The following ANKRD12 variants were observed in gnomAD, a reference collection of about 807,000 sequenced individuals.
ANKRD12 encodes ankyrin repeat domain-containing protein 12.
In ANKRD12, 85 loss-of-function variants were observed where a neutral mutation model predicts 183.4. The observed-to-expected ratio is 0.46, with a 90% confidence interval of 0.39 to 0.56. The LOEUF is 0.56. Among genes scored for constraint, ANKRD12 ranks in the 20% least tolerant of loss-of-function variants. ANKRD12 has a pLI of 0.00. For synonymous variants in ANKRD12, 914 were observed against 800.2 expected, an observed-to-expected ratio of 1.14 and a Z score of -2.40; for missense variants, 2,405 against 2,357.1, an observed-to-expected ratio of 1.02 and a Z score of -0.42.
Position 9,256,833 on chromosome 18 carries a change from C to G in ANKRD12, c.3566C>G (p.Ser1189Cys), listed in dbSNP as rs146507735. Residue 1189 changes from serine to cysteine, a missense_variant, in exon 9 of 13, where the codon TCT (serine) becomes TGT (cysteine). Physicochemically the swap from Ser to Cys is moderately radical, Grantham distance 112 (BLOSUM62 -1). Transcript: ENST00000262126. ...GTTTCAGATAATAGCTTAAACAGGTCTCCTAGATCAGAAAATGAAAAGCCG... is the reference window on the plus strand; with the variant it reads ...GTTTCAGATAATAGCTTAAACAGGTGTCCTAGATCAGAAAATGAAAAGCCG... ...SFVSDNSLNR[S>C]PRSENEKPGL... is the part of the protein sequence containing the mutation. 1 of 1,613,942 alleles carries G rather than the reference C, an allele frequency of 6.2e-7. No individual in the cohort carries two copies. The highest frequency in any genetic ancestry group is 1.6e-4 in the Middle Eastern group (1 of 6,062).
At chr18:9,145,734 T>G (rs1379819001) in intron 1 of ANKRD12, among the ~76,000 whole-genome samples, 1 of 152,240 alleles carries the variant, frequency 6.6e-6, no homozygotes, top group South Asian at 2.1e-4. Context: ...GATGAGGGGC[T>G]TAATAAAAAT....
chr18:9,171,675 T>C (rs1307398504), intron 1 of ANKRD12, among the ~76,000 whole-genome samples: 3 of 152,202 alleles, frequency 2.0e-5, no homozygotes, highest in Non-Finnish European at 4.4e-5. Flanking sequence ...ATTTCTCCTT[T>C]GCTTATTAAG....
In ANKRD12 at chr18:9,258,824, C is replaced by G; in HGVS notation, c.5557C>G (p.Leu1853Val). 6.2e-7 allele frequency: 1 copy of G among 1,613,904 alleles called. No individual in the cohort carries two copies. Among genetic ancestry groups the G allele is most frequent in the Non-Finnish European group, 8.5e-7 (1 of 1,179,862 alleles). ...AAAAATAGAAGAAAAACGCAAATTA[C>G]TGTGTAGTGTGATTCCTCAAGCACC... Reference protein sequence around the residue: ...RKKIEEKRKLLCSVIPQAPQY... With the variant: ...RKKIEEKRKLVCSVIPQAPQY... Residue 1853 changes from leucine (L) to valine (V), a missense_variant, in exon 9 of 13, where the codon CTG becomes GTG. Around this residue, in one of 7 missense-constraint regions of ANKRD12, gnomAD observed 162 missense variants for 272.2 expected, o/e 0.60. Coordinates refer to ENST00000262126, the MANE Select transcript of ANKRD12 (RefSeq NM_015208.5).
At chr18:9,238,069 A>G (rs2037450384) in intron 8 of ANKRD12, among the ~76,000 whole-genome samples, 1 of 152,170 alleles carries the variant, frequency 6.6e-6, no homozygotes, top group African/African-American at 2.4e-5. Flanking sequence ...ATCCTTTGAA[A>G]TTCTCCATAG....
At position 9,255,005 on chromosome 18, in the gene ANKRD12, C is replaced by A. The variant is rs148294667; in HGVS notation, c.1738C>A (p.Leu580Ile). ...GSSEMSLQPD[L>I]VRYDNTESEF... is the part of the protein sequence containing the mutation. Reference sequence around the variant, plus strand: ...TTCTGAAATGTCATTACAGCCTGATCTTGTTCGGTATGATAATACAGAATC... The same window carrying A: ...TTCTGAAATGTCATTACAGCCTGATATTGTTCGGTATGATAATACAGAATC... Residue 580 changes from leucine (L) to isoleucine (I), a missense_variant, in exon 9 of 13, where the codon CTT (leucine) becomes ATT (isoleucine). By Grantham distance (5) the Leu-to-Ile change is conservative. Coordinates refer to ENST00000262126, the MANE Select transcript of ANKRD12 (RefSeq NM_015208.5). 111 of 1,608,740 alleles carry A rather than the reference C, an allele frequency of 6.9e-5. No individual in the cohort carries two copies. The highest frequency in any genetic ancestry group is 6.7e-5 in the African/African-American group (5 of 74,720).
At chr18:9,150,514 AAG>A in intron 1 of ANKRD12, among the ~76,000 whole-genome samples, 1 of 152,232 alleles carries the variant, frequency 6.6e-6, no homozygotes. Context: ...AAGGACTTTT[AAG>A]AACATTGTTT....
Position 9,181,383 on chromosome 18 carries a change from A to G in ANKRD12, c.-51-999A>G, listed in dbSNP as rs145568353. Among the ~76,000 whole-genome samples, 275 of 152,350 alleles carry G rather than the reference A, an allele frequency of 1.8e-3. 1 individual carries two copies. The highest frequency in any genetic ancestry group is 6.2e-3 in the African/African-American group (256 of 41,578). On this transcript the variant is annotated intron_variant, in intron 1 of 12. Transcript: ENST00000262126. ...CAAGGTGTCTGAGTTTTAATAATTT[A>G]CATAGATACTAGAATGACAGCTAAC...
intron 8 of ANKRD12, chr18:9,249,603 C>T (rs2038164854): frequency 1.3e-5 from 2 of 152,156 alleles, no homozygotes; most frequent in African/African-American, 2.4e-5. Flanking sequence ...TCTTCCTTCC[C>T]ACAACAGATT....
At chr18:9,165,462 T>G (rs1318670728) in intron 1 of ANKRD12, among the ~76,000 whole-genome samples, 2 of 152,140 alleles carry the variant, frequency 1.3e-5, no homozygotes, top group African/African-American at 4.8e-5. Flanking sequence ...ATCAGAATGT[T>G]TTCGTCATCC....
chr18:9,241,931 A>G (rs376997784), intron 8 of ANKRD12, among the ~76,000 whole-genome samples: 1 of 150,534 alleles, frequency 6.6e-6, no homozygotes, highest in East Asian at 2.0e-4. Flanking sequence ...TGTCAATGTT[A>G]CCTAGAGGAA....
chr18:9,214,245 A>G (rs530648233), intron 6 of ANKRD12, among the ~76,000 whole-genome samples: 5 of 152,292 alleles, frequency 3.3e-5, no homozygotes, highest in African/African-American at 1.2e-4. Flanking sequence ...AATATACACA[A>G]ATCTGTTCTA....
chr18:9,258,539 T>C lies in ANKRD12; in HGVS notation c.5272T>C (p.Ser1758Pro), dbSNP rs3744822. 128,136 of 1,613,400 alleles carry C rather than the reference T, an allele frequency of 0.079. 5,404 individuals carry two copies. Among genetic ancestry groups the C allele is most frequent in the African/African-American group, 0.093 (6,966 of 74,936 alleles). Residue 1758 changes from serine (S) to proline (P), a missense_variant, in exon 9 of 13, where the codon TCA becomes CCA. Around this residue, in one of 7 missense-constraint regions of ANKRD12, gnomAD observed 1,983 missense variants for 1,725.9 expected, o/e 1.15. Coordinates refer to ENST00000262126, the MANE Select transcript of ANKRD12 (RefSeq NM_015208.5). Reference protein sequence around the residue: ...KQILASCTLLSEKDSESSSPR... With the variant: ...KQILASCTLLPEKDSESSSPR... ...GATTCTTGCTAGCTGTACACTATTA[T>C]CAGAAAAAGACAGTGAATCCTCATC...
chr18:9,216,292 TG>T (rs1184894755), intron 6 of ANKRD12, among the ~76,000 whole-genome samples: 4 of 152,134 alleles, frequency 2.6e-5, no homozygotes, highest in African/African-American at 4.8e-5. Flanking sequence ...GTGAAGATGA[TG>T]ATGACCTTTT....
intron 2 of ANKRD12, among the ~76,000 whole-genome samples, chr18:9,189,683 C>T (rs527831162): frequency 1.3e-5 from 2 of 152,308 alleles, no homozygotes; most frequent in East Asian, 3.9e-4. Flanking sequence ...TCTGCCTGTA[C>T]CTTATCAATG....
chr18:9,164,901 T>TA (rs1181052166), intron 1 of ANKRD12, among the ~76,000 whole-genome samples: 1 of 152,234 alleles, frequency 6.6e-6, no homozygotes, highest in African/African-American at 2.4e-5. Flanking sequence ...GTTCTGTAGA[T>TA]ATCTGTCAGG....
At position 9,247,487 on chromosome 18, in the gene ANKRD12, T is replaced by A. The variant is rs563466204; in HGVS notation, c.944-6724T>A. 9.9e-4 allele frequency among the ~76,000 whole-genome samples: 150 copies of A among 152,004 alleles called. 3 individuals carry two copies. The East Asian group carries it at 0.022, about 22-fold the overall frequency. The stretch of plus-strand genomic sequence containing the variant: ...GACGGAGACCCTATCTAAAAAAAAA[T>A]TTTTTTAAATTATAGGGCTGCTTCT... On this transcript the variant is annotated intron_variant, in intron 8 of 12. Coordinates refer to ENST00000262126, the MANE Select transcript of ANKRD12 (RefSeq NM_015208.5).
rs145729859 is a variant in ANKRD12, at chr18:9,252,469, C to G, written c.944-1742C>G. ...TCACCTGTAGAAATTTCTCCACTTT[C>G]ATCATGGACATTAGTGTCAGGATAA... On this transcript the variant is annotated intron_variant, in intron 8 of 12. Coordinates refer to ENST00000262126, the MANE Select transcript of ANKRD12 (RefSeq NM_015208.5). 3.8e-3 allele frequency among the ~76,000 whole-genome samples: 586 copies of G among 152,280 alleles called. 3 individuals carry two copies. The highest frequency in any genetic ancestry group is 0.013 in the African/African-American group (560 of 41,560).
intron 8 of ANKRD12, among the ~76,000 whole-genome samples, chr18:9,222,569 C>G (rs2036482060): frequency 6.6e-6 from 1 of 151,282 alleles, no homozygotes; most frequent in Non-Finnish European, 1.5e-5. Context: ...TACCATATTT[C>G]AGGCAAAATT....
chr18:9,211,625 A>C lies in ANKRD12; in HGVS notation c.493A>C (p.Lys165Gln), dbSNP rs775921994. ...TCCATCACAAACAACGCCTGCCCAAAAGAAAACTCCCAGTTCTTCATCTCG... is the reference window on the plus strand; with the variant it reads ...TCCATCACAAACAACGCCTGCCCAACAGAAAACTCCCAGTTCTTCATCTCG... ...NHPSQTTPAQ[K>Q]KTPSSSSRQK... The change falls in exon 6 of 13, where the codon AAG becomes CAG. Residue 165 changes from lysine to glutamine, a missense_variant. Lys to Gln is a moderately conservative substitution (Grantham distance 53, BLOSUM62 1). Transcript: ENST00000262126. The C allele has an allele frequency of 2.5e-6, 4 of 1,613,938 alleles. No individual in the cohort carries two copies. Among genetic ancestry groups the C allele is most frequent in the Non-Finnish European group, 2.5e-6 (3 of 1,179,910 alleles).
Sources: allele counts gnomAD v4.1 joint callset (sites outside exome capture counted in the v4.1 genomes callset), GRCh38; gene constraint gnomAD v4.1.1; regional missense constraint gnomAD v4.1.1; transcripts MANE v1.5; gene names NCBI Gene and HGNC (gene_info 2026-07-23, HGNC 2026-07-21).